ZNF248: variants seen among roughly 807,000 people sequenced by gnomAD.
ZNF248 encodes zinc finger protein 248.
Under a neutral mutation model 44.3 loss-of-function variants are expected in ZNF248, and 20 were observed. The ratio of observed to expected loss-of-function variants is 0.45; its 90% CI spans 0.32 to 0.66. ZNF248 has a LOEUF of 0.66. ZNF248 is among the 30% of genes least tolerant of loss of function. ZNF248 has a pLI of 0.04. For missense variants in ZNF248, 654 were observed against 677.0 expected (o/e 0.97, Z 0.38); for synonymous variants, 224 against 229.0 (o/e 0.98, Z 0.20).
In ZNF248 at chr10:37,818,397, C is replaced by G. The variant is rs189999964; in HGVS notation, c.330+14628G>C. Reference sequence around the variant, plus strand: ...CCAGAACCTCATGCCGGGCCTTTTCCTATGAGGCCTGGCTGGAGCTGCCCA... The same window carrying G: ...CCAGAACCTCATGCCGGGCCTTTTCGTATGAGGCCTGGCTGGAGCTGCCCA... On this transcript the variant is annotated intron_variant, in intron 6 of 6. Transcript: ENST00000615949. Among the ~76,000 whole-genome samples, 72 of 152,266 alleles carry G rather than the reference C, an allele frequency of 4.7e-4. 1 individual carries two copies. Among genetic ancestry groups the G allele is most frequent in the African/African-American group, 1.5e-3 (62 of 41,562 alleles).
intron 5 of ZNF248, 39 bp downstream of exon 5, chr10:37,837,578 T>C: frequency 6.4e-7 from 1 of 1,555,636 alleles, no homozygotes; most frequent in South Asian, 1.1e-5. Flanking sequence ...TAAGTTCTAA[T>C]TTCCTCTGGC....
At chr10:37,843,362 T>C (rs756460787) in intron 3 of ZNF248, among the ~76,000 whole-genome samples, 10 of 150,570 alleles carry the variant, frequency 6.6e-5, no homozygotes, top group African/African-American at 2.2e-4. Flanking sequence ...GAGGCAGAGG[T>C]TGCAGTGAGC....
chr10:37,776,879 C>A (rs2046632296), intron 6 of ZNF248, among the ~76,000 whole-genome samples: 1 of 152,166 alleles, frequency 6.6e-6, no homozygotes, highest in Non-Finnish European at 1.5e-5. Flanking sequence ...CTTGAACCCT[C>A]AGACCGTCAG....
intron 3 of ZNF248, among the ~76,000 whole-genome samples, chr10:37,855,195 G>T (rs1278513527): frequency 6.6e-6 from 1 of 152,134 alleles, no homozygotes; most frequent in Non-Finnish European, 1.5e-5. Context: ...ATACATTCCA[G>T]TAAGTCTGGG....
chr10:37,848,475 C>T (rs774555980), intron 3 of ZNF248, among the ~76,000 whole-genome samples: 2 of 151,298 alleles, frequency 1.3e-5, no homozygotes, highest in Admixed American at 6.6e-5. Flanking sequence ...CCCAACTACT[C>T]GGGAGGCTGA....
intron 6 of ZNF248, among the ~76,000 whole-genome samples, chr10:37,796,282 C>G (rs2133146501): frequency 6.6e-6 from 1 of 150,570 alleles, no homozygotes; most frequent in East Asian, 2.0e-4. Flanking sequence ...GTGGCACAAT[C>G]TTGGCTCATT....
chr10:37,793,006 C>T (rs1006345849), intron 6 of ZNF248, among the ~76,000 whole-genome samples: 14 of 152,148 alleles, frequency 9.2e-5, no homozygotes, highest in South Asian at 4.2e-4. Flanking sequence ...GAAAGGTGTA[C>T]GAGAAATCTA....
chr10:37,763,672 T>A, the ZNF248 span, among the ~76,000 whole-genome samples: 2 of 152,210 alleles, frequency 1.3e-5, no homozygotes, highest in South Asian at 4.1e-4. Context: ...TGAAAAAAAG[T>A]AGAAGACAGA....
the ZNF248 span, among the ~76,000 whole-genome samples, chr10:37,769,249 G>A: frequency 7.2e-5 from 11 of 152,022 alleles, no homozygotes; most frequent in African/African-American, 2.7e-4. Flanking sequence ...AGAAAAAGAG[G>A]GAATCCTCCC....
chr10:37,820,427 G>A (rs1394950497), intron 6 of ZNF248: 54 of 1,556,158 alleles, frequency 3.5e-5, no homozygotes, highest in South Asian at 5.6e-5. Flanking sequence ...CTGCTCCTCC[G>A]TTGCCTCCTT....
intron 6 of ZNF248, chr10:37,819,534 A>G (rs1380823980): frequency 2.0e-5 from 20 of 1,018,232 alleles, no homozygotes; most frequent in Non-Finnish European, 3.1e-5. Flanking sequence ...TGTAACAACA[A>G]ATATCTGTCA....
downstream of ZNF248, among the ~76,000 whole-genome samples, chr10:37,824,705 G>A (rs1177493868): frequency 0.045 from 131 of 2,892 alleles, no homozygotes; most frequent in African/African-American, 0.27. Flanking sequence ...TTTTTGAGAC[G>A]GAGTCTCCCT....
chr10:37,765,702 T>A, the ZNF248 span, among the ~76,000 whole-genome samples: 1 of 152,222 alleles, frequency 6.6e-6, no homozygotes, highest in East Asian at 1.9e-4. Flanking sequence ...GTGAGCAATT[T>A]CTGCATTTCC....
intron 6 of ZNF248, among the ~76,000 whole-genome samples, chr10:37,794,028 C>A (rs1489185882): frequency 6.6e-6 from 1 of 151,880 alleles, no homozygotes; most frequent in African/African-American, 2.4e-5. Flanking sequence ...CTTATATATA[C>A]AAGGTTTTTT....
chr10:37,814,001 G>A (rs1050008875), intron 6 of ZNF248, among the ~76,000 whole-genome samples: 1 of 152,158 alleles, frequency 6.6e-6, no homozygotes, highest in African/African-American at 2.4e-5. Flanking sequence ...AAGAATTTAA[G>A]CCATTTACAT....
intron 3 of ZNF248, among the ~76,000 whole-genome samples, chr10:37,848,114 CA>C (rs201495203): frequency 6.6e-6 from 1 of 150,846 alleles, no homozygotes; most frequent in Non-Finnish European, 1.5e-5. Context: ...TACTAAAATA[CA>C]AAAAAAAATT....
the ZNF248 span, among the ~76,000 whole-genome samples, chr10:37,766,493 C>A: frequency 6.6e-6 from 1 of 152,188 alleles, no homozygotes; most frequent in Non-Finnish European, 1.5e-5. Context: ...GCAGCCACCA[C>A]TGCTGATACC....
intron 3 of ZNF248, among the ~76,000 whole-genome samples, chr10:37,844,601 G>C (rs1032963671): frequency 6.6e-6 from 1 of 152,290 alleles, no homozygotes; most frequent in African/African-American, 2.4e-5. Context: ...ACAACGTAGG[G>C]AGAAGGCAGC....
chr10:37,821,316 A>C (rs1442174404), intron 6 of ZNF248, among the ~76,000 whole-genome samples: 1 of 152,146 alleles, frequency 6.6e-6, no homozygotes, highest in African/African-American at 2.4e-5. Context: ...TGCCATTCGC[A>C]TTTAGAGAGG....
Sources: gnomAD v4.1 joint callset for allele counts (sites outside exome capture counted in the v4.1 genomes callset) on GRCh38, gnomAD v4.1.1 for gene constraint, MANE v1.5 for transcripts, NCBI Gene and HGNC (gene_info 2026-07-23, HGNC 2026-07-21) for gene names.